Variants in ANO10 observed in about 807,000 individuals in gnomAD.
ANO10 encodes the protein anoctamin-10.
ANO10 carries 77 observed loss-of-function variants against 74.7 expected under a neutral mutation model. The observed-to-expected ratio is 1.03, with a 90% CI of 0.86 to 1.25. The LOEUF is 1.25. Ranked by LOEUF, ANO10 falls within the 50% of genes most tolerant of loss-of-function variation. The pLI is 0.00. For synonymous variants in ANO10, 279 were observed against 284.9 expected (o/e 0.98, Z 0.21); for missense variants, 721 against 778.1 (o/e 0.93, Z 0.87).
intron 10 of ANO10, chr3:43,551,701 T>C (rs2079468692): frequency 5.7e-6 from 2 of 348,824 alleles, no homozygotes; most frequent in South Asian, 4.6e-5. Flanking sequence ...TGGTCCTCTC[T>C]GGCAATTTTT....
chr3:43,401,047 C>G (rs2092472265), intron 12 of ANO10, among the ~76,000 whole-genome samples: 1 of 152,152 alleles, frequency 6.6e-6, no homozygotes. Context: ...GTATGTATTT[C>G]CAGTATCTAG....
intron 11 of ANO10, among the ~76,000 whole-genome samples, chr3:43,488,693 G>C (rs1023948804): frequency 2.7e-5 from 4 of 150,784 alleles, no homozygotes; most frequent in Non-Finnish European, 4.5e-5. Flanking sequence ...AGGATGTGGA[G>C]AAATAGGAAC....
rs575716583 is a variant in ANO10 at position 43,597,227 on chromosome 3, A to G, written c.472+1305T>C. 4.6e-5 allele frequency among the ~76,000 whole-genome samples: 7 copies of G among 152,368 alleles called. No individual in the cohort carries two copies. The South Asian group carries it at 1.5e-3, about 32-fold the overall frequency. ...GGCGATTCCTCAAGGATCTAGAACT[A>G]GAAATACCATTTGACCCAGCCATCC... On this transcript the variant is annotated intron_variant, in intron 4 of 12. Coordinates refer to ENST00000292246, the MANE Select transcript of ANO10 (RefSeq NM_018075.5).
chr3:43,456,671 A>G lies in ANO10; in HGVS notation c.1798-23944T>C, dbSNP rs1307118086. Among the ~76,000 whole-genome samples, 3 of 152,226 alleles carry G rather than the reference A, an allele frequency of 2.0e-5. No individual in the cohort carries two copies. In the East Asian group the frequency reaches 5.8e-4, roughly 29 times the overall value. On this transcript the variant is annotated intron_variant, in intron 11 of 12. Transcript: ENST00000292246. ...AACACACACAAACACCATAATTTAA[A>G]TAAGTGAAAGGTGGAAGGGAAGGAC...
chr3:43,456,881 C>T (rs769302141), intron 11 of ANO10, among the ~76,000 whole-genome samples: 8 of 152,108 alleles, frequency 5.3e-5, no homozygotes, highest in Non-Finnish European at 1.0e-4. Flanking sequence ...ACAGTAAGTA[C>T]GGATTTTTCA....
At chr3:43,458,559 C>G (rs368325828) in intron 11 of ANO10, among the ~76,000 whole-genome samples, 1 of 152,156 alleles carries the variant, frequency 6.6e-6, no homozygotes, top group East Asian at 1.9e-4. Context: ...TTATGCATTA[C>G]AAATTCCTAT....
chr3:43,573,071 T>A (rs1257394128), intron 7 of ANO10, among the ~76,000 whole-genome samples: 3 of 151,914 alleles, frequency 2.0e-5, no homozygotes, highest in Non-Finnish European at 4.4e-5. Flanking sequence ...CATAAATAAC[T>A]GAATTCTTTA....
At chr3:43,535,299 A>AGAG (rs1339629902) in intron 11 of ANO10, among the ~76,000 whole-genome samples, 1 of 135,342 alleles carries the variant, frequency 7.4e-6, no homozygotes, top group Non-Finnish European at 1.6e-5. Flanking sequence ...GAAGGGGGGA[A>AGAG]GAGGTCTCGC....
At chr3:43,616,104 G>A (rs2083088727) in intron 1 of ANO10, among the ~76,000 whole-genome samples, 1 of 152,138 alleles carries the variant, frequency 6.6e-6, no homozygotes, top group South Asian at 2.1e-4. Flanking sequence ...TGAAATAAAA[G>A]GATCCGTACA....
intron 11 of ANO10, among the ~76,000 whole-genome samples, chr3:43,480,292 A>G (rs2076218669): frequency 6.6e-6 from 1 of 152,214 alleles, no homozygotes; most frequent in African/African-American, 2.4e-5. Flanking sequence ...GAGAAAAGAT[A>G]ATTCTCAAAG....
At chr3:43,610,137 T>A (rs1335103816) in intron 1 of ANO10, among the ~76,000 whole-genome samples, 3 of 152,094 alleles carry the variant, frequency 2.0e-5, no homozygotes, top group Non-Finnish European at 4.4e-5. Context: ...TCTATTTAAA[T>A]TTTTTAAACT....
At chr3:43,610,731 T>C (rs941474499) in intron 1 of ANO10, among the ~76,000 whole-genome samples, 6 of 152,224 alleles carry the variant, frequency 3.9e-5, no homozygotes, top group African/African-American at 1.4e-4. Flanking sequence ...CAGCTAGATA[T>C]TTTAGTAGAT....
intron 1 of ANO10, among the ~76,000 whole-genome samples, chr3:43,680,865 G>A (rs1347246661): frequency 3.3e-5 from 5 of 152,166 alleles, no homozygotes; most frequent in African/African-American, 1.2e-4. Flanking sequence ...ATCCTTTACA[G>A]ACAAGCAAAT....
chr3:43,428,142 G>A (rs1482702239), intron 12 of ANO10, among the ~76,000 whole-genome samples: 4 of 151,644 alleles, frequency 2.6e-5, no homozygotes, highest in Non-Finnish European at 4.4e-5. Flanking sequence ...CTCCACCTTC[G>A]AGATTCAAGC....
chr3:43,533,509 C>G (rs1187758103), intron 11 of ANO10, among the ~76,000 whole-genome samples: 1 of 152,088 alleles, frequency 6.6e-6, no homozygotes, highest in African/African-American at 2.4e-5. Flanking sequence ...CAAGCTTTGG[C>G]CTTAGTAACA....
intron 10 of ANO10, chr3:43,551,607 G>A (rs1327221246): frequency 4.4e-6 from 2 of 455,456 alleles, no homozygotes; most frequent in Non-Finnish European, 4.4e-6. Context: ...TGTCAATATA[G>A]ATTTGTTTGC....
At position 43,527,003 on chromosome 3, in the gene ANO10, C is replaced by CAT. The variant is rs201454114; in HGVS notation, c.1797+22715_1797+22716dup. Among the ~76,000 whole-genome samples the CAT allele has an allele frequency of 7.1e-4, 35 of 49,584 alleles. No homozygotes were observed. In the East Asian group the frequency reaches 0.022, roughly 31 times the overall value. The allele number at this position is 49,584 out of a possible 152,430, so 32.5% of individuals were successfully genotyped here. On this transcript the variant is annotated intron_variant, in intron 11 of 12. Coordinates refer to ENST00000292246, the MANE Select transcript of ANO10 (RefSeq NM_018075.5). ...CACACATATGGTACATACAATGGTACATATATATATATGGTACATACAATG... is the reference window on the plus strand; with the variant it reads ...CACACATATGGTACATACAATGGTACATATATATATATATGGTACATACAATG...
At chr3:43,479,556 G>A (rs35133889) in intron 11 of ANO10, among the ~76,000 whole-genome samples, 33,775 of 152,108 alleles carry the variant, frequency 0.22, 4,289 homozygotes, top group Middle Eastern at 0.36. Context: ...AAGGAAAGGA[G>A]GGAGGGAAAA....
chr3:43,397,396 TCTC>T (rs1274731685), intron 12 of ANO10, among the ~76,000 whole-genome samples: 1 of 152,146 alleles, frequency 6.6e-6, no homozygotes, highest in Non-Finnish European at 1.5e-5. Flanking sequence ...TGATCATGAT[TCTC>T]CTCATCATGG....
Sources: gnomAD v4.1 joint callset for allele counts (sites outside exome capture counted in the v4.1 genomes callset) on GRCh38, gnomAD v4.1.1 for gene constraint, MANE v1.5 for transcripts, NCBI Gene and HGNC (gene_info 2026-07-23, HGNC 2026-07-21) for gene names.